The following SPHKAP variants were observed in gnomAD, a reference collection of about 807,000 sequenced individuals.
The protein encoded by SPHKAP is SPHK1 interactor, AKAP domain containing, also known as A-kinase anchor protein SPHKAP.
In SPHKAP, 67 loss-of-function variants were observed where a neutral mutation model predicts 137.5. The ratio of observed to expected loss-of-function variants is 0.49; its 90% CI spans 0.40 to 0.60. SPHKAP has a LOEUF of 0.60. Among genes scored for constraint, SPHKAP ranks in the 20% least tolerant of loss-of-function variants. The pLI is 0.00. For missense variants in SPHKAP, 2,097 were observed against 2,069.3 expected (o/e 1.01, Z -0.26); for synonymous variants, 813 against 785.3 (o/e 1.04, Z -0.59).
At position 228,018,117 on chromosome 2, in the gene SPHKAP, G is replaced by T. The variant is rs1384402762; in HGVS notation, c.2737C>A (p.Gln913Lys). The T allele has an allele frequency of 1.2e-6, 2 of 1,614,184 alleles. No individual in the cohort carries two copies. The highest frequency in any genetic ancestry group is 1.3e-5 in the African/African-American group (1 of 75,060). Residue 913 changes from glutamine (Q) to lysine (K), a missense_variant, in exon 7 of 12, where the codon CAA becomes AAA. Coordinates refer to ENST00000392056, the MANE Select transcript of SPHKAP (RefSeq NM_001142644.2). ...LLGDDLLLPAQSTLQTKHPDI... is the reference protein window; with the variant it reads ...LLGDDLLLPAKSTLQTKHPDI... ...GGATGCTTTGTTTGAAGCGTGGATTGAGCAGGAAGCAGCAGGTCATCCCCT... is the reference window on the plus strand; with the variant it reads ...GGATGCTTTGTTTGAAGCGTGGATTTAGCAGGAAGCAGCAGGTCATCCCCT...
intron 1 of SPHKAP, among the ~76,000 whole-genome samples, chr2:228,153,036 G>A (rs1699984741): frequency 6.6e-6 from 1 of 152,014 alleles, no homozygotes; most frequent in African/African-American, 2.4e-5. Flanking sequence ...CTTTCACTTG[G>A]CTCTCATTCT....
At chr2:228,050,898 C>T (rs1476426763) in intron 3 of SPHKAP, among the ~76,000 whole-genome samples, 1 of 152,118 alleles carries the variant, frequency 6.6e-6, no homozygotes, top group Non-Finnish European at 1.5e-5. Flanking sequence ...CCTCAACTTC[C>T]TGGGCTCAGG....
rs149037571 is a variant in SPHKAP, at chr2:228,128,061, G to A, written c.138+3919C>T. Among the ~76,000 whole-genome samples, 1,234 of 152,248 alleles carry A rather than the reference G, an allele frequency of 8.1e-3. 8 individuals carry two copies. Among genetic ancestry groups the A allele is most frequent in the African/African-American group, 0.028 (1,177 of 41,528 alleles). ...TTGATCAAGGTGGTGGACGCTGAAG[G>A]TTACAGTAGCTGTTGCAATTTCTTA... On this transcript the variant is annotated intron_variant, in intron 2 of 11. Transcript: ENST00000392056.
chr2:227,999,305 G>T (rs1693757974), intron 7 of SPHKAP, among the ~76,000 whole-genome samples: 1 of 152,096 alleles, frequency 6.6e-6, no homozygotes, highest in Non-Finnish European at 1.5e-5. Context: ...GAAATATTGA[G>T]ATTTTTCCAA....
chr2:228,059,267 G>A (rs1696553585), intron 3 of SPHKAP, among the ~76,000 whole-genome samples: 1 of 152,122 alleles, frequency 6.6e-6, no homozygotes, highest in Non-Finnish European at 1.5e-5. Flanking sequence ...CCTAGGAGTG[G>A]GATTGCTGGG....
At chr2:228,007,036 T>G (rs1456287686) in intron 7 of SPHKAP, among the ~76,000 whole-genome samples, 2 of 152,228 alleles carry the variant, frequency 1.3e-5, no homozygotes, top group African/African-American at 2.4e-5. Context: ...TCCAACTCTA[T>G]GCTGGGAGAA....
At chr2:228,150,203 C>G (rs4569469) in intron 1 of SPHKAP, among the ~76,000 whole-genome samples, 13,876 of 152,178 alleles carry the variant, frequency 0.091, 808 homozygotes, top group Middle Eastern at 0.13. Context: ...CTTTTTCACA[C>G]GTTGTGGAAC....
intron 7 of SPHKAP, among the ~76,000 whole-genome samples, chr2:228,005,724 A>G (rs1341029092): frequency 6.6e-6 from 1 of 151,978 alleles, no homozygotes; most frequent in Non-Finnish European, 1.5e-5. Flanking sequence ...TTCCTTCAGG[A>G]GCTCTTGTAG....
At chr2:228,038,502 C>T (rs1695721091) in intron 3 of SPHKAP, among the ~76,000 whole-genome samples, 1 of 152,164 alleles carries the variant, frequency 6.6e-6, no homozygotes, top group Admixed American at 6.5e-5. Flanking sequence ...ATGCTGGAGC[C>T]ACCAGCCAAT....
At chr2:228,132,707 T>G (rs565978683) in intron 1 of SPHKAP, 4 of 155,576 alleles carry the variant, frequency 2.6e-5, no homozygotes, top group African/African-American at 9.6e-5. Context: ...TTTAAAAATA[T>G]TTAAAATTGG....
intron 3 of SPHKAP, among the ~76,000 whole-genome samples, chr2:228,066,348 C>T (rs540508675): frequency 4.9e-4 from 75 of 152,268 alleles, no homozygotes; most frequent in African/African-American, 1.7e-3. Flanking sequence ...TGCCCATGAA[C>T]GTCTGACTTC....
At chr2:228,013,380 A>G (rs1415539214) in intron 7 of SPHKAP, among the ~76,000 whole-genome samples, 2 of 152,092 alleles carry the variant, frequency 1.3e-5, no homozygotes, top group Non-Finnish European at 2.9e-5. Flanking sequence ...CCCCCCAAGT[A>G]GCTGGGAAGG....
chr2:228,007,388 C>T (rs1455959699), intron 7 of SPHKAP, among the ~76,000 whole-genome samples: 1 of 152,074 alleles, frequency 6.6e-6, no homozygotes, highest in Non-Finnish European at 1.5e-5. Context: ...CTGTAGTCAC[C>T]TTTCTGTGCA....
intron 3 of SPHKAP, among the ~76,000 whole-genome samples, chr2:228,105,797 GC>G (rs747661447): frequency 1.3e-5 from 2 of 151,990 alleles, no homozygotes; most frequent in Non-Finnish European, 2.9e-5. Context: ...TGTGCCTTTT[GC>G]CTTCCACCAT....
At chr2:228,146,291 G>T (rs973133479) in intron 1 of SPHKAP, among the ~76,000 whole-genome samples, 5 of 151,880 alleles carry the variant, frequency 3.3e-5, no homozygotes, top group Non-Finnish European at 7.4e-5. Flanking sequence ...TCACATTAGC[G>T]CTCACTTTTG....
Position 227,988,616 on chromosome 2 carries a change from T to C in SPHKAP, c.4959+2384A>G, listed in dbSNP as rs1215843862. Among the ~76,000 whole-genome samples the C allele has an allele frequency of 3.3e-5, 5 of 152,218 alleles. No individual in the cohort carries two copies. The South Asian group carries it at 1.0e-3, about 32-fold the overall frequency. ...TGTACAAACATCTATTCCATTCAGA[T>C]ACCACCTGAAAATCTACCATGTCAT... is the stretch of plus-strand genomic sequence containing the variant. On this transcript the variant is annotated intron_variant, in intron 11 of 11. Transcript: ENST00000392056.
chr2:228,108,504 A>G (rs1468772714), intron 3 of SPHKAP, among the ~76,000 whole-genome samples: 3 of 152,322 alleles, frequency 2.0e-5, no homozygotes, highest in African/African-American at 2.4e-5. Context: ...TATAAAATAT[A>G]CTGAAAAGAA....
At chr2:228,102,186 G>A (rs1228910118) in intron 3 of SPHKAP, among the ~76,000 whole-genome samples, 1 of 151,654 alleles carries the variant, frequency 6.6e-6, no homozygotes, top group East Asian at 1.9e-4. Context: ...TCATATTGTA[G>A]TACAGAAACT....
intron 7 of SPHKAP, among the ~76,000 whole-genome samples, chr2:228,012,163 C>CAAAAAAAAAAAAAAAAAAAAAAA (rs544782857): frequency 2.4e-5 from 2 of 84,924 alleles, no homozygotes; most frequent in African/African-American, 4.9e-5. Context: ...GACTCTACCT[C>CAAAAAAAAAAAAAAAAAAAAAAA]AAAAAAAAAA....
Sources: allele counts gnomAD v4.1 joint callset (sites outside exome capture counted in the v4.1 genomes callset), GRCh38; gene constraint gnomAD v4.1.1; transcripts MANE v1.5; gene names NCBI Gene and HGNC (gene_info 2026-07-23, HGNC 2026-07-21).